The following GALNTL6 variants were observed in gnomAD, a reference collection of about 807,000 sequenced individuals.
GALNTL6 encodes polypeptide N-acetylgalactosaminyltransferase-like 6.
Under a neutral mutation model 73.7 loss-of-function variants are expected in GALNTL6, and 46 were observed. The ratio of observed to expected loss-of-function variants is 0.62; its 90% CI spans 0.49 to 0.80. The LOEUF is 0.80. Among genes scored for constraint, GALNTL6 ranks in the 30% least tolerant of loss-of-function variants. The pLI is 0.00. For missense variants in GALNTL6, 604 were observed against 755.0 expected (o/e 0.80, Z 2.34); for synonymous variants, 259 against 263.7 (o/e 0.98, Z 0.17).
intron 5 of GALNTL6, among the ~76,000 whole-genome samples, chr4:172,447,111 A>C (rs1023752360): frequency 6.6e-6 from 1 of 152,166 alleles, no homozygotes; most frequent in Non-Finnish European, 1.5e-5. Flanking sequence ...CAAAATGCCA[A>C]ATGTGCTGTA....
At chr4:172,766,772 A>G (rs1052078667) in intron 5 of GALNTL6, among the ~76,000 whole-genome samples, 1 of 152,220 alleles carries the variant, frequency 6.6e-6, no homozygotes, top group Non-Finnish European at 1.5e-5. Flanking sequence ...TCATCCAAGG[A>G]TCAGGTTACA....
chr4:172,541,772 T>G (rs1735557707), intron 5 of GALNTL6, among the ~76,000 whole-genome samples: 1 of 152,170 alleles, frequency 6.6e-6, no homozygotes, highest in African/African-American at 2.4e-5. Context: ...GCATGCTCAC[T>G]TGAGGCATTC....
intron 2 of GALNTL6, among the ~76,000 whole-genome samples, chr4:171,867,311 C>T (rs1264900526): frequency 6.6e-6 from 1 of 152,046 alleles, no homozygotes; most frequent in Admixed American, 6.6e-5. Context: ...CCCTAAAGGT[C>T]ATCTTGTATA....
intron 7 of GALNTL6, among the ~76,000 whole-genome samples, chr4:172,861,309 T>G (rs1404686456): frequency 7.3e-6 from 1 of 136,138 alleles, no homozygotes; most frequent in Non-Finnish European, 1.6e-5. Context: ...CTGGCTTGGT[T>G]TTTGCTTACA....
At chr4:172,561,160 G>T (rs966905843) in intron 5 of GALNTL6, among the ~76,000 whole-genome samples, 16 of 150,072 alleles carry the variant, frequency 1.1e-4, no homozygotes, top group African/African-American at 3.9e-4. Flanking sequence ...GGCTGAGGCA[G>T]GAGAATGGCG....
intron 10 of GALNTL6, among the ~76,000 whole-genome samples, chr4:173,005,527 T>TA (rs57911713): frequency 0.39 from 55,363 of 141,536 alleles, 10,655 homozygotes; most frequent in African/African-American, 0.49. Flanking sequence ...TGTCTACATT[T>TA]AAAAAAAATA....
intron 2 of GALNTL6, among the ~76,000 whole-genome samples, chr4:172,066,378 C>T (rs536581268): frequency 6.6e-6 from 1 of 152,220 alleles, no homozygotes; most frequent in Admixed American, 6.5e-5. Flanking sequence ...CCTTCTTTCT[C>T]TTAGCAATAT....
intron 2 of GALNTL6, among the ~76,000 whole-genome samples, chr4:172,118,351 T>C (rs1733044369): frequency 6.6e-6 from 1 of 152,118 alleles, no homozygotes. Flanking sequence ...AAATAAAGCA[T>C]TAGATAATTA....
chr4:172,370,313 C>G (rs1038741319), intron 5 of GALNTL6, among the ~76,000 whole-genome samples: 10 of 151,992 alleles, frequency 6.6e-5, no homozygotes, highest in African/African-American at 2.4e-4. Context: ...AATAGAGGGT[C>G]CAAAGGCGAG....
At chr4:172,805,268 T>C (rs901357763) in intron 5 of GALNTL6, among the ~76,000 whole-genome samples, 1 of 152,154 alleles carries the variant, frequency 6.6e-6, no homozygotes, top group East Asian at 1.9e-4. Context: ...CCCTAAACAC[T>C]AAATTCACTA....
In GALNTL6 at chr4:172,804,290, G is replaced by T. The variant is rs983995081; in HGVS notation, c.554-5071G>T. Among the ~76,000 whole-genome samples, 8 of 152,128 alleles carry T rather than the reference G, an allele frequency of 5.3e-5. No homozygotes were observed. In the East Asian group the frequency reaches 9.6e-4, roughly 18 times the overall value. On this transcript the variant is annotated intron_variant, in intron 5 of 12. Coordinates refer to ENST00000506823, the MANE Select transcript of GALNTL6 (RefSeq NM_001034845.3). ...TAACCAGCAAATTTTAGATATGTTT[G>T]TTTCTGTGTATTTATAATCCATTAC...
Position 172,217,412 on chromosome 4 carries a change from A to G in GALNTL6, c.139-12244A>G, listed in dbSNP as rs564334495. Among the ~76,000 whole-genome samples, 26 of 152,302 alleles carry G rather than the reference A, an allele frequency of 1.7e-4. 1 individual carries two copies. In the South Asian group the frequency reaches 5.2e-3, roughly 30 times the overall value. ...TAGAACATGACTGTCCAAACCCCTT[A>G]GATAGGAATTTGGGCAAGATAAAAA... On this transcript the variant is annotated intron_variant, in intron 2 of 12. Coordinates refer to ENST00000506823, the MANE Select transcript of GALNTL6 (RefSeq NM_001034845.3).
chr4:172,360,043 A>T (rs1040036802), intron 5 of GALNTL6, among the ~76,000 whole-genome samples: 1 of 152,236 alleles, frequency 6.6e-6, no homozygotes, highest in African/African-American at 2.4e-5. Flanking sequence ...GCCTAATGGC[A>T]TGACTGCCCT....
chr4:172,582,783 A>T (rs1338272419), intron 5 of GALNTL6, among the ~76,000 whole-genome samples: 1 of 147,522 alleles, frequency 6.8e-6, no homozygotes, highest in East Asian at 2.1e-4. Context: ...CACACACTCA[A>T]CGTTCTCCAT....
chr4:171,817,235 T>C (rs928940651), intron 2 of GALNTL6, among the ~76,000 whole-genome samples: 2 of 151,994 alleles, frequency 1.3e-5, no homozygotes, highest in African/African-American at 2.4e-5. Context: ...ACAGTACTTA[T>C]GTGTAAAACA....
chr4:171,981,743 T>G (rs2111080545), intron 2 of GALNTL6, among the ~76,000 whole-genome samples: 1 of 152,266 alleles, frequency 6.6e-6, no homozygotes, highest in East Asian at 1.9e-4. Context: ...CTACTTTCAG[T>G]ATACTTTTTT....
At chr4:172,658,273 T>C (rs1731180592) in intron 5 of GALNTL6, among the ~76,000 whole-genome samples, 1 of 147,966 alleles carries the variant, frequency 6.8e-6, no homozygotes, top group Admixed American at 6.8e-5. Flanking sequence ...AAGACCATCC[T>C]GGCTAACATG....
intron 8 of GALNTL6, among the ~76,000 whole-genome samples, chr4:172,897,109 T>C (rs1746370557): frequency 6.6e-6 from 1 of 152,168 alleles, no homozygotes; most frequent in Non-Finnish European, 1.5e-5. Context: ...ACAGGATAGT[T>C]CCCCAACTAC....
chr4:172,616,594 A>G (rs1360442008), intron 5 of GALNTL6, among the ~76,000 whole-genome samples: 4 of 129,092 alleles, frequency 3.1e-5, no homozygotes, highest in African/African-American at 1.2e-4. Context: ...TATTAGATCT[A>G]GAGAATCACA....
Sources: allele counts gnomAD v4.1 joint callset (sites outside exome capture counted in the v4.1 genomes callset), GRCh38; gene constraint gnomAD v4.1.1; transcripts MANE v1.5; gene names NCBI Gene and HGNC (gene_info 2026-07-23, HGNC 2026-07-21).